CROCC: variants seen among roughly 807,000 people sequenced by gnomAD.
CROCC encodes ciliary rootlet coiled-coil, rootletin.
In CROCC, 180 loss-of-function variants were observed where a neutral mutation model predicts 245.2. The observed-to-expected ratio is 0.73, with a 90% CI of 0.65 to 0.83. The LOEUF is 0.83. Ranked by LOEUF, CROCC falls within the 40% of genes least tolerant of loss-of-function variation. CROCC has a pLI of 0.00. For synonymous variants in CROCC, 1,205 were observed against 1,241.6 expected (o/e 0.97, Z 0.62); for missense variants, 2,688 against 2,779.4 (o/e 0.97, Z 0.74).
intron 1 of CROCC, among the ~76,000 whole-genome samples, chr1:16,914,637 G>A (rs1431954706): frequency 6.6e-6 from 1 of 152,286 alleles, no homozygotes; most frequent in Non-Finnish European, 1.5e-5. Flanking sequence ...TGGCCACGGA[G>A]GCAGGGCCGC....
intron 18 of CROCC, 56 bp downstream of exon 18, chr1:16,948,580 A>G (rs2076102564): frequency 1.4e-6 from 2 of 1,476,838 alleles, no homozygotes; most frequent in African/African-American, 2.8e-5. Context: ...GGGCCACACC[A>G]TGACCAGCCA....
At chr1:16,955,847 G>C in intron 24 of CROCC, 150 bp from the exon 25 acceptor site, 1 of 1,006,156 alleles carries the variant, frequency 9.9e-7, no homozygotes, top group East Asian at 2.6e-5. Context: ...CTGGGCCCCA[G>C]CCCTGCAGGG....
At chr1:16,927,052 C>G (rs1281828318) in intron 3 of CROCC, among the ~76,000 whole-genome samples, 1 of 152,256 alleles carries the variant, frequency 6.6e-6, no homozygotes, top group Admixed American at 6.5e-5. Flanking sequence ...GCAAACAGCA[C>G]CTGCTTCACA....
chr1:16,924,734 A>C (rs2075492339), intron 3 of CROCC, among the ~76,000 whole-genome samples: 1 of 152,288 alleles, frequency 6.6e-6, no homozygotes, highest in African/African-American at 2.4e-5. Context: ...AGTGCCTGGC[A>C]CCAGGGGTAT....
At chr1:16,930,385 G>A (rs1342649436) in intron 6 of CROCC, 38 bp downstream of exon 6, 4 of 1,611,106 alleles carry the variant, frequency 2.5e-6, no homozygotes, top group Non-Finnish European at 3.4e-6. Context: ...CTGGCAGGAT[G>A]GCCCCCTGCG....
intron 1 of CROCC, 105 bp downstream of exon 1, chr1:16,922,183 T>TGTG: frequency 8.4e-7 from 1 of 1,194,100 alleles, no homozygotes; most frequent in Non-Finnish European, 1.2e-6. Context: ...GTGGGAGAGG[T>TGTG]GTGGTGGTGG....
At chr1:16,964,318 CTCTTT>C (rs58978200) in intron 27 of CROCC, among the ~76,000 whole-genome samples, 19,172 of 150,570 alleles carry the variant, frequency 0.13, 1,347 homozygotes, top group South Asian at 0.21. Context: ...GCTAATTTTT[CTCTTT>C]TCTTTTCTTT....
chr1:16,922,926 C>G, intron 2 of CROCC, 128 bp downstream of exon 2: 2 of 1,346,090 alleles, frequency 1.5e-6, no homozygotes, highest in Non-Finnish European at 2.0e-6. Flanking sequence ...AGCTTTATGA[C>G]AGAAGAACCC....
rs2076212169 is a variant in CROCC, at chr1:16,954,264, G to A, written c.3228G>A (p.Glu1076=). The change falls in exon 22 of 37, where the codon GAG becomes GAA. Residue 1076 remains glutamate, a synonymous_variant. Coordinates refer to ENST00000375541, the MANE Select transcript of CROCC (RefSeq NM_014675.5). This position sits in a 1 kb window ranked among gnomAD's most constrained non-coding sequence, Gnocchi z 4.4. Reference sequence around the variant, plus strand: ...AGTCTGAGAAGACGGCGCTGTCAGAGAAGTTGATGGGTACACGGCACAGCC... The same window carrying A: ...AGTCTGAGAAGACGGCGCTGTCAGAAAAGTTGATGGGTACACGGCACAGCC... ...LKESEKTALS[E]KLMGTRHSLA... The A allele has an allele frequency of 1.9e-6, 3 of 1,611,874 alleles. No homozygotes were observed. Among genetic ancestry groups the A allele is most frequent in the African/African-American group, 1.3e-5 (1 of 75,016 alleles).
Position 16,948,329 on chromosome 1 carries a change from A to G in CROCC, c.2515-2A>G. 2.6e-6 allele frequency: 4 copies of G among 1,560,792 alleles called. No individual in the cohort carries two copies. Among genetic ancestry groups the G allele is most frequent in the Non-Finnish European group, 2.6e-6 (3 of 1,158,458 alleles). On this transcript the variant is annotated splice_acceptor_variant, in intron 17 of 36. Transcript: ENST00000375541. LOFTEE classifies it high-confidence loss of function. Reference sequence around the variant, plus strand: ...GCTACTCAGTCTCTGGGTGGGGGCCAGCTCTCCCGGCAGCTGAGCGGGCGG... The same window carrying G: ...GCTACTCAGTCTCTGGGTGGGGGCCGGCTCTCCCGGCAGCTGAGCGGGCGG...
At chr1:16,929,710 T>C in intron 3 of CROCC, 136 bp from the exon 4 acceptor site, 2 of 1,411,132 alleles carry the variant, frequency 1.4e-6, no homozygotes, top group Non-Finnish European at 1.8e-6. Context: ...CTTGCCCACA[T>C]GTGCTGCTCC....
chr1:16,955,781 C>A (rs1217236033), intron 24 of CROCC, among the ~76,000 whole-genome samples: 1 of 152,196 alleles, frequency 6.6e-6, no homozygotes, highest in Non-Finnish European at 1.5e-5. Flanking sequence ...ACCGTCATCA[C>A]CCTGGAAACC....
chr1:16,918,687 G>A (rs546234652), upstream of CROCC, among the ~76,000 whole-genome samples: 18 of 152,186 alleles, frequency 1.2e-4, no homozygotes, highest in South Asian at 6.2e-4. Context: ...AAGAGTGGGC[G>A]TCCCTGGGGT....
rs764500883 is a variant in CROCC, at chr1:16,939,894, G to A, written c.1609G>A (p.Asp537Asn). Residue 537 changes from aspartate to asparagine, a missense_variant and splice_region_variant, in exon 13 of 37, where the codon GAC becomes AAC. By Grantham distance (23) the Asp-to-Asn change is conservative. Transcript: ENST00000375541. ...ALHKRQLQVQ[D>N]MRGRYEASQD... ...GACTCTGTGACCCCCCACACCCCAG[G>A]ACATGCGTGGGCGCTATGAGGCAAG... 1.9e-4 allele frequency: 310 copies of A among 1,611,922 alleles called. 3 individuals carry two copies. The Admixed American group carries it at 5.1e-3, about 26-fold the overall frequency.
chr1:16,931,479 T>A, intron 8 of CROCC, 82 bp downstream of exon 8: 1 of 1,325,232 alleles, frequency 7.5e-7, no homozygotes, highest in Non-Finnish European at 1.1e-6. Flanking sequence ...GAATTTCAGT[T>A]CAACTCAACG....
chr1:16,969,123 A>G lies in CROCC; in HGVS notation c.5084A>G (p.Asp1695Gly). The G allele has an allele frequency of 6.2e-7, 1 of 1,600,368 alleles. No homozygotes were observed. The highest frequency in any genetic ancestry group is 1.1e-5 in the South Asian group (1 of 88,594). ...RVDSLQRQVADSEVKAGTLQL... is the reference protein window; with the variant it reads ...RVDSLQRQVAGSEVKAGTLQL... ...TGGCTGTCCTCCTGCCAGGTGGCCG[A>G]CAGCGAGGTGAAGGCAGGGACCCTG... The change falls in exon 32 of 37, where the codon GAC (aspartate) becomes GGC (glycine). Residue 1695 changes from aspartate (D) to glycine (G), a missense_variant. Physicochemically the swap from Asp to Gly is moderately conservative, Grantham distance 94. Coordinates refer to ENST00000375541, the MANE Select transcript of CROCC (RefSeq NM_014675.5).
At chr1:16,922,906 G>T in intron 2 of CROCC, 108 bp downstream of exon 2, 1 of 1,440,500 alleles carries the variant, frequency 6.9e-7, no homozygotes, top group South Asian at 1.4e-5. Context: ...ACTCACTGTG[G>T]GGCAGGCACA....
Position 16,969,773 on chromosome 1 carries a change from CCT to C in CROCC, c.5302-11_5302-10del. 1 of 1,610,708 alleles carries C rather than the reference CCT, an allele frequency of 6.2e-7. No individual in the cohort carries two copies. Among genetic ancestry groups the C allele is most frequent in the Non-Finnish European group, 8.5e-7 (1 of 1,178,600 alleles). ...CCAGGCCAGCCAGGCACCATCAGCC[CCT>C]GTCCCCCAGGAACGGCTGGATGCCG... On this transcript the variant is annotated splice_polypyrimidine_tract_variant and intron_variant, in intron 32 of 36. Transcript: ENST00000375541.
chr1:16,929,176 A>G (rs1449468589), intron 3 of CROCC, among the ~76,000 whole-genome samples: 1 of 152,386 alleles, frequency 6.6e-6, no homozygotes, highest in East Asian at 1.9e-4. Flanking sequence ...ACCTGTGTGC[A>G]CCTCTTACAA....
Sources: allele counts gnomAD v4.1 joint callset (sites outside exome capture counted in the v4.1 genomes callset), GRCh38; gene constraint gnomAD v4.1.1; non-coding constraint Gnocchi (gnomAD v3.1); transcripts MANE v1.5; gene names NCBI Gene and HGNC (gene_info 2026-07-23, HGNC 2026-07-21).